NSUN7: variants seen among roughly 807,000 people sequenced by gnomAD.
NSUN7 encodes NOP2/Sun RNA methyltransferase family member 7.
A neutral mutation model predicts 58.5 loss-of-function variants in NSUN7; 39 were observed. That is an observed-to-expected ratio of 0.67 (90% CI 0.52 to 0.87). The LOEUF (loss-of-function observed/expected upper bound fraction) is 0.87. Ranked by LOEUF, NSUN7 falls within the 40% of genes least tolerant of loss-of-function variation. The pLI is 0.00. For missense variants in NSUN7, 765 were observed against 844.1 expected (o/e 0.91, Z 1.16); for synonymous variants, 278 against 303.7 (o/e 0.92, Z 0.88).
intron 2 of NSUN7, among the ~76,000 whole-genome samples, chr4:40,757,619 A>ATATATATACATTGTG (rs1741212201): frequency 1.4e-5 from 2 of 144,710 alleles, no homozygotes; most frequent in Non-Finnish European, 1.5e-5. Flanking sequence ...CATTGTGTGT[A>ATATATATACATTGTG]TATATATATA....
intron 7 of NSUN7, among the ~76,000 whole-genome samples, chr4:40,787,877 A>G (rs946530153): frequency 6.6e-6 from 1 of 152,092 alleles, no homozygotes; most frequent in African/African-American, 2.4e-5. Flanking sequence ...TGTCGCCCAG[A>G]CGACTAGAGT....
At chr4:40,787,096 C>T (rs1173505900) in intron 7 of NSUN7, among the ~76,000 whole-genome samples, 1 of 148,586 alleles carries the variant, frequency 6.7e-6, no homozygotes, top group East Asian at 2.0e-4. Flanking sequence ...ATAAAGATGG[C>T]AGGAATTAAT....
At chr4:40,805,809 T>C (rs1251195670) in intron 10 of NSUN7, among the ~76,000 whole-genome samples, 1 of 152,070 alleles carries the variant, frequency 6.6e-6, no homozygotes, top group African/African-American at 2.4e-5. Flanking sequence ...GTCCTTGCTG[T>C]TCTTTGGCTT....
At chr4:40,797,671 CTTGAA>C (rs1210689937) in intron 9 of NSUN7, among the ~76,000 whole-genome samples, 4 of 152,230 alleles carry the variant, frequency 2.6e-5, no homozygotes, top group Non-Finnish European at 5.9e-5. Context: ...TCACCTCACA[CTTGAA>C]TTACTGTAAT....
intron 10 of NSUN7, among the ~76,000 whole-genome samples, chr4:40,801,901 C>CAAAAAA (rs56868885): frequency 9.3e-5 from 10 of 107,340 alleles, no homozygotes; most frequent in East Asian, 2.7e-4. Context: ...GACTCTGTCT[C>CAAAAAA]AAAAAAAAAA....
chr4:40,786,067 G>A, intron 7 of NSUN7: 2 of 1,532,190 alleles, frequency 1.3e-6, no homozygotes, highest in Non-Finnish European at 1.7e-6. Flanking sequence ...TCTAAAGCAA[G>A]AAGAGAAAAG....
chr4:40,796,477 A>AC (rs1297263803), intron 9 of NSUN7, among the ~76,000 whole-genome samples: 1 of 151,026 alleles, frequency 6.6e-6, no homozygotes, highest in African/African-American at 2.5e-5. Flanking sequence ...CTGCCTCTAC[A>AC]AAAAATAAAA....
intron 7 of NSUN7, among the ~76,000 whole-genome samples, chr4:40,779,815 T>G (rs2154287952): frequency 6.6e-6 from 1 of 152,300 alleles, no homozygotes; most frequent in South Asian, 2.1e-4. Flanking sequence ...AAAATAGAAT[T>G]AATGTGTCCT....
intron 2 of NSUN7, among the ~76,000 whole-genome samples, chr4:40,753,267 T>C (rs1740926754): frequency 6.6e-6 from 1 of 151,832 alleles, no homozygotes; most frequent in Non-Finnish European, 1.5e-5. Flanking sequence ...GATCTTGTAA[T>C]TATTTTATCT....
intron 10 of NSUN7, among the ~76,000 whole-genome samples, chr4:40,804,556 T>A (rs1465797381): frequency 2.0e-5 from 3 of 152,170 alleles, no homozygotes; most frequent in Non-Finnish European, 4.4e-5. Flanking sequence ...TGAATTACAT[T>A]TAGTAATTAC....
chr4:40,768,481 T>A (rs1208976686), intron 4 of NSUN7, among the ~76,000 whole-genome samples: 1 of 152,166 alleles, frequency 6.6e-6, no homozygotes, highest in Non-Finnish European at 1.5e-5. Context: ...TGAGCTGCCG[T>A]GCTCGGCCAG....
At chr4:40,754,871 T>C (rs1741062198) in intron 2 of NSUN7, among the ~76,000 whole-genome samples, 1 of 152,218 alleles carries the variant, frequency 6.6e-6, no homozygotes, top group Non-Finnish European at 1.5e-5. Context: ...TGTCCTTCAT[T>C]GTATATAAGA....
chr4:40,795,424 A>T (rs1743280460), intron 9 of NSUN7, among the ~76,000 whole-genome samples: 1 of 152,212 alleles, frequency 6.6e-6, no homozygotes, highest in Non-Finnish European at 1.5e-5. Flanking sequence ...AAATAAGTTG[A>T]TTGGAAGATC....
intron 7 of NSUN7, among the ~76,000 whole-genome samples, chr4:40,778,393 A>G (rs1742368924): frequency 6.6e-6 from 1 of 152,206 alleles, no homozygotes; most frequent in Non-Finnish European, 1.5e-5. Flanking sequence ...ATCCCCACAA[A>G]ATTTGTATGT....
rs1358462731 is a variant in NSUN7, at chr4:40,790,609, A to G, written c.1044A>G (p.Glu348=). 8 of 1,547,160 alleles carry G rather than the reference A, an allele frequency of 5.2e-6. No homozygotes were observed. The highest frequency in any genetic ancestry group is 7.0e-6 in the Non-Finnish European group (8 of 1,139,124). ...TCTGTGTTTTTTCCCCAGATATTGA[A>G]ATACTTCATGAGAAATTTATTAACA... ...LFTKIGCKNI[E]ILHEKFINIE... The change falls in exon 8 of 12, where the codon GAA becomes GAG. Residue 348 remains glutamate (E), a synonymous_variant. Transcript: ENST00000381782.
chr4:40,770,312 C>T (rs568328933), intron 4 of NSUN7, among the ~76,000 whole-genome samples: 2 of 152,008 alleles, frequency 1.3e-5, no homozygotes, highest in South Asian at 2.1e-4. Context: ...ATGGGAACAT[C>T]GTAGAACATA....
At chr4:40,781,435 G>A (rs993710194) in intron 7 of NSUN7, among the ~76,000 whole-genome samples, 2 of 151,820 alleles carry the variant, frequency 1.3e-5, no homozygotes, top group South Asian at 4.2e-4. Flanking sequence ...TTTCCTATTT[G>A]TTTGTTTGTT....
In NSUN7 at chr4:40,776,055, T is replaced by G. The variant is rs748026490; in HGVS notation, c.832T>G (p.Ser278Ala). The G allele has an allele frequency of 8.2e-6, 13 of 1,594,178 alleles. No individual in the cohort carries two copies. The South Asian group carries it at 1.5e-4, about 18-fold the overall frequency. The change falls in exon 7 of 12, where the codon TCT becomes GCT. Residue 278 changes from serine to alanine, a missense_variant. By Grantham distance (99) the Ser-to-Ala change is moderately conservative. Coordinates refer to ENST00000381782, the MANE Select transcript of NSUN7 (RefSeq NM_024677.6). ...KDYKLIFQDK[S>A]RSLAVHSVKA... ...TCATACCATTATCTTACAGGACAAA[T>G]CTCGAAGTCTTGCTGTCCATTCTGT...
intron 2 of NSUN7, among the ~76,000 whole-genome samples, chr4:40,753,286 T>C (rs1578136648): frequency 6.6e-6 from 1 of 151,728 alleles, no homozygotes; most frequent in Admixed American, 6.6e-5. Context: ...CTTTCTTTTT[T>C]TTTTTTTTTA....
Sources: gnomAD v4.1 joint callset for allele counts (sites outside exome capture counted in the v4.1 genomes callset) on GRCh38, gnomAD v4.1.1 for gene constraint, MANE v1.5 for transcripts, NCBI Gene and HGNC (gene_info 2026-07-23, HGNC 2026-07-21) for gene names.